ZCCHC7: variants seen among roughly 807,000 people sequenced by gnomAD.
ZCCHC7 encodes the protein zinc finger CCHC domain-containing protein 7.
In ZCCHC7, 35 loss-of-function variants were observed where a neutral mutation model predicts 52.0. The ratio of observed to expected loss-of-function variants is 0.67; its 90% CI spans 0.51 to 0.89. ZCCHC7 has a LOEUF of 0.89. Ranked by LOEUF, ZCCHC7 falls within the 40% of genes least tolerant of loss-of-function variation. The pLI is 0.00. For missense variants in ZCCHC7, 574 were observed against 649.1 expected, an observed-to-expected ratio of 0.88 and a Z score of 1.26; for synonymous variants, 217 against 221.5, an observed-to-expected ratio of 0.98 and a Z score of 0.18.
chr9:37,234,611 A>G (rs1825557467), intron 2 of ZCCHC7, among the ~76,000 whole-genome samples: 1 of 152,254 alleles, frequency 6.6e-6, no homozygotes, highest in African/African-American at 2.4e-5. Flanking sequence ...GATAAGAAAC[A>G]CAGAAGAAAG....
At chr9:37,274,162 G>A (rs1355394053) in intron 2 of ZCCHC7, among the ~76,000 whole-genome samples, 1 of 151,842 alleles carries the variant, frequency 6.6e-6, no homozygotes, top group African/African-American at 2.4e-5. Context: ...TACTCCATTA[G>A]CTTTATAATC....
intron 2 of ZCCHC7, among the ~76,000 whole-genome samples, chr9:37,231,371 A>G (rs1051452189): frequency 6.6e-6 from 1 of 152,362 alleles, no homozygotes; most frequent in Non-Finnish European, 1.5e-5. Flanking sequence ...AGTAAACTTC[A>G]TGGCTTTTTA....
chr9:37,198,179 T>C (rs10973250), intron 2 of ZCCHC7, among the ~76,000 whole-genome samples: 20,760 of 152,174 alleles, frequency 0.14, 1,721 homozygotes, highest in Non-Finnish European at 0.17. Context: ...TTTTTCATTT[T>C]ATTTCATCAT....
chr9:37,270,139 G>A (rs985497419), intron 2 of ZCCHC7, among the ~76,000 whole-genome samples: 3 of 152,030 alleles, frequency 2.0e-5, no homozygotes, highest in Non-Finnish European at 4.4e-5. Context: ...TAGCTATATT[G>A]TGCTACATAA....
At chr9:37,216,320 T>C (rs1824501831) in intron 2 of ZCCHC7, among the ~76,000 whole-genome samples, 1 of 152,214 alleles carries the variant, frequency 6.6e-6, no homozygotes, top group Non-Finnish European at 1.5e-5. Flanking sequence ...ATTATATTAT[T>C]GTGAGACATT....
intron 2 of ZCCHC7, among the ~76,000 whole-genome samples, chr9:37,155,351 G>A (rs992887702): frequency 1.9e-4 from 29 of 149,036 alleles, no homozygotes; most frequent in African/African-American, 3.9e-4. Flanking sequence ...GCGAGACTCC[G>A]TCTCAAAAAA....
chr9:37,279,650 A>G (rs1319051863), intron 2 of ZCCHC7, among the ~76,000 whole-genome samples: 2 of 151,594 alleles, frequency 1.3e-5, no homozygotes, highest in Admixed American at 6.6e-5. Flanking sequence ...TTTAAGCCCA[A>G]GAGTTTGAGA....
chr9:37,226,400 G>C (rs1042534495), intron 2 of ZCCHC7, among the ~76,000 whole-genome samples: 2 of 151,940 alleles, frequency 1.3e-5, no homozygotes, highest in African/African-American at 4.8e-5. Flanking sequence ...CAAAATTCCA[G>C]CAGGCTTTAA....
intron 2 of ZCCHC7, among the ~76,000 whole-genome samples, chr9:37,273,506 A>C (rs1259128187): frequency 6.6e-6 from 1 of 152,202 alleles, no homozygotes; most frequent in Non-Finnish European, 1.5e-5. Context: ...CCGTCTCGAA[A>C]AGAAAAGAAA....
intron 5 of ZCCHC7, chr9:37,322,327 T>TC (rs1159834666): frequency 6.6e-6 from 1 of 152,160 alleles, no homozygotes; most frequent in Admixed American, 6.5e-5. Flanking sequence ...AACTCCTTGT[T>TC]CTACTGCTTC....
chr9:37,272,382 G>T (rs1297894689), intron 2 of ZCCHC7, among the ~76,000 whole-genome samples: 1 of 150,480 alleles, frequency 6.6e-6, no homozygotes, highest in Non-Finnish European at 1.5e-5. Context: ...TGGGGAATTG[G>T]TATAAAATAC....
chr9:37,311,231 C>T (rs1192726416), intron 5 of ZCCHC7, among the ~76,000 whole-genome samples: 1 of 152,028 alleles, frequency 6.6e-6, no homozygotes, highest in African/African-American at 2.4e-5. Flanking sequence ...CTGAGTTAGT[C>T]AGTGTCAGAT....
At chr9:37,191,495 C>A (rs1285220854) in intron 2 of ZCCHC7, among the ~76,000 whole-genome samples, 3 of 152,036 alleles carry the variant, frequency 2.0e-5, no homozygotes, top group African/African-American at 7.2e-5. Context: ...GTCCCCTACT[C>A]CCACCCCACT....
chr9:37,184,331 A>G (rs1355081197), intron 2 of ZCCHC7, among the ~76,000 whole-genome samples: 1 of 148,882 alleles, frequency 6.7e-6, no homozygotes, highest in Non-Finnish European at 1.5e-5. Context: ...AAAGTAAATT[A>G]TTCCCTGTTT....
chr9:37,239,998 A>C (rs935363734), intron 2 of ZCCHC7, among the ~76,000 whole-genome samples: 30 of 152,068 alleles, frequency 2.0e-4, no homozygotes, highest in African/African-American at 7.2e-4. Context: ...TTCCCTGGGT[A>C]AGCTGCGAGG....
In ZCCHC7 at chr9:37,356,915, A is replaced by G; in HGVS notation, c.1279A>G (p.Ile427Val). The change falls in exon 9 of 9, where the codon ATA (isoleucine) becomes GTA (valine). Residue 427 changes from isoleucine (I) to valine (V), a missense_variant. Transcript: ENST00000336755. ...KAANENPHHD[I>V]RKGRASWKSN... is the part of the protein sequence containing the mutation. The stretch of plus-strand genomic sequence containing the variant: ...AGCAAATGAGAACCCCCACCATGAT[A>G]TAAGGAAGGGCCGTGCCTCATGGAA... 1 of 1,613,826 alleles carries G rather than the reference A, an allele frequency of 6.2e-7. No homozygotes were observed. The highest frequency in any genetic ancestry group is 8.5e-7 in the Non-Finnish European group (1 of 1,179,928).
chr9:37,300,835 G>A (rs1436378733), intron 2 of ZCCHC7, among the ~76,000 whole-genome samples: 1 of 152,140 alleles, frequency 6.6e-6, no homozygotes, highest in African/African-American at 2.4e-5. Context: ...GGCCATGGGT[G>A]GACCAAAGGA....
At chr9:37,290,631 G>A (rs2133625667) in intron 2 of ZCCHC7, among the ~76,000 whole-genome samples, 1 of 152,264 alleles carries the variant, frequency 6.6e-6, no homozygotes, top group Non-Finnish European at 1.5e-5. Flanking sequence ...TTGTACTCCA[G>A]CCAGAGCGAC....
intron 2 of ZCCHC7, among the ~76,000 whole-genome samples, chr9:37,158,686 G>T (rs1352323096): frequency 6.6e-6 from 1 of 151,812 alleles, no homozygotes; most frequent in Non-Finnish European, 1.5e-5. Flanking sequence ...AAAGATATGT[G>T]TATTATATAT....
Sources: allele counts gnomAD v4.1 joint callset (sites outside exome capture counted in the v4.1 genomes callset), GRCh38; gene constraint gnomAD v4.1.1; transcripts MANE v1.5; gene names NCBI Gene and HGNC (gene_info 2026-07-23, HGNC 2026-07-21).